Variants in HMGN5 observed in about 807,000 individuals in gnomAD.
HMGN5 encodes high mobility group nucleosome binding domain 5, also known as high mobility group nucleosome-binding domain-containing protein 5.
A neutral mutation model predicts 9.5 loss-of-function variants in HMGN5; 4 were observed. The observed-to-expected ratio is 0.42, with a 90% confidence interval of 0.21 to 0.96. The LOEUF (loss-of-function observed/expected upper bound fraction) is 0.96, where lower values mean the gene tolerates loss of function less well. HMGN5 is among the 40% of genes least tolerant of loss of function. The pLI is 0.30. For synonymous variants in HMGN5, 55 were observed against 57.1 expected, an observed-to-expected ratio of 0.96 and a Z score of 0.16; for missense variants, 192 against 187.5, an observed-to-expected ratio of 1.02 and a Z score of -0.14.
chrX:81,173,175 C>T (rs2075431346), intron 1 of HMGN5, among the ~76,000 whole-genome samples: 1 of 110,609 alleles, frequency 9.0e-6, no homozygotes, highest in Non-Finnish European at 1.9e-5. Context: ...CAATGGAGTA[C>T]TACTCACCTG....
intron 1 of HMGN5, among the ~76,000 whole-genome samples, chrX:81,142,481 G>A (rs1479178792): frequency 9.0e-6 from 1 of 111,490 alleles, no homozygotes; most frequent in Non-Finnish European, 1.9e-5. Flanking sequence ...AAAATAAACA[G>A]ATAACATATT....
At chrX:81,162,632 T>A (rs1471583307) in intron 1 of HMGN5, among the ~76,000 whole-genome samples, 2 of 111,506 alleles carry the variant, frequency 1.8e-5, no homozygotes, top group Non-Finnish European at 3.8e-5. Flanking sequence ...GGCCCCATAA[T>A]TTTATGTTGA....
chrX:81,156,109 T>C (rs1189831959), intron 1 of HMGN5, among the ~76,000 whole-genome samples: 1 of 111,810 alleles, frequency 8.9e-6, no homozygotes, highest in Non-Finnish European at 1.9e-5. Flanking sequence ...AATGGATGAG[T>C]TTGGCTTATG....
chrX:81,137,872 A>G (rs2075315804), intron 1 of HMGN5, among the ~76,000 whole-genome samples: 1 of 111,630 alleles, frequency 9.0e-6, no homozygotes, highest in Non-Finnish European at 1.9e-5. Flanking sequence ...AGATAGCACT[A>G]CAGATCTTGC....
chrX:81,196,872 G>A (rs777535280), intron 1 of HMGN5, among the ~76,000 whole-genome samples: 3 of 111,027 alleles, frequency 2.7e-5, no homozygotes, highest in East Asian at 2.9e-4. Flanking sequence ...CTCTTCCCCC[G>A]TTGCTCCTCC....
At chrX:81,179,203 G>A (rs766153184) in intron 1 of HMGN5, among the ~76,000 whole-genome samples, 3 of 111,602 alleles carry the variant, frequency 2.7e-5, no homozygotes, top group Non-Finnish European at 5.6e-5. Context: ...TCTGGACAGG[G>A]CAATCAGGCA....
Position 81,116,358 on chromosome X carries a change from A to G in HMGN5, c.130-17T>C. 8.9e-7 allele frequency: 1 copy of G among 1,121,143 alleles called. No individual in the cohort carries two copies. Among genetic ancestry groups the G allele is most frequent in the Non-Finnish European group, 1.2e-6 (1 of 822,225 alleles). 92.4% of individuals were successfully genotyped at this position (1,121,143 alleles called of 1,213,427 possible). On this transcript the variant is annotated splice_polypyrimidine_tract_variant and intron_variant, in intron 5 of 6. Transcript: ENST00000358130. ...CTTCATTTTCTGCCAAGCAATATAA[A>G]ACAATGAAAGTAAATATACAATTTA... is the stretch of plus-strand genomic sequence containing the variant.
At chrX:81,147,038 G>C (rs774247756) in intron 1 of HMGN5, among the ~76,000 whole-genome samples, 54 of 111,663 alleles carry the variant, frequency 4.8e-4, no homozygotes, top group African/African-American at 1.6e-3. Flanking sequence ...TCCAGGACCA[G>C]ACGGACTCAC....
chrX:81,121,952 C>T (rs1275812941), intron 1 of HMGN5, among the ~76,000 whole-genome samples: 1 of 112,430 alleles, frequency 8.9e-6, no homozygotes, highest in Non-Finnish European at 1.9e-5. Flanking sequence ...CTGACTTGAT[C>T]AGTTTTTTTT....
At chrX:81,171,922 G>A (rs1025158868) in intron 1 of HMGN5, among the ~76,000 whole-genome samples, 3 of 111,459 alleles carry the variant, frequency 2.7e-5, no homozygotes, top group Non-Finnish European at 5.7e-5. Flanking sequence ...AATGAAAACC[G>A]ATAAGAATGT....
chrX:81,192,984 C>T (rs1016425280), intron 1 of HMGN5, among the ~76,000 whole-genome samples: 3 of 110,745 alleles, frequency 2.7e-5, no homozygotes, highest in East Asian at 2.8e-4. Context: ...TATTTTCAAT[C>T]GAGTGCTAGA....
intron 1 of HMGN5, among the ~76,000 whole-genome samples, chrX:81,179,098 C>T (rs948655590): frequency 1.1e-4 from 12 of 111,734 alleles, no homozygotes; most frequent in South Asian, 7.6e-4. Flanking sequence ...CAATATAATA[C>T]TGAATGGACA....
At chrX:81,192,872 AT>A (rs140567866) in intron 1 of HMGN5, among the ~76,000 whole-genome samples, 2,379 of 105,796 alleles carry the variant, frequency 0.022, 72 homozygotes, top group African/African-American at 0.074. Context: ...GTCAGCAATA[AT>A]TTTTTTTTTT....
intron 1 of HMGN5, among the ~76,000 whole-genome samples, chrX:81,166,881 A>C (rs2075412570): frequency 9.0e-6 from 1 of 111,454 alleles, no homozygotes; most frequent in Non-Finnish European, 1.9e-5. Context: ...CAAGGTCCCA[A>C]ACAGCCATTT....
chrX:81,122,734 C>T (rs1286350873), intron 1 of HMGN5, among the ~76,000 whole-genome samples: 1 of 111,866 alleles, frequency 8.9e-6, no homozygotes, highest in Admixed American at 9.4e-5. Context: ...TCCATAGCGT[C>T]ACTCTAGTCC....
chrX:81,196,947 A>C (rs1790040429), intron 1 of HMGN5, among the ~76,000 whole-genome samples: 1 of 111,448 alleles, frequency 9.0e-6, no homozygotes, highest in Admixed American at 9.5e-5. Context: ...TTCCACCATG[A>C]TTGTAAGTCT....
chrX:81,122,085 C>T (rs773241490), intron 1 of HMGN5, among the ~76,000 whole-genome samples: 10 of 112,391 alleles, frequency 8.9e-5, no homozygotes, highest in Non-Finnish European at 1.5e-4. Flanking sequence ...GTCTGGGCTC[C>T]GGTCTTTCCC....
At chrX:81,138,748 T>C (rs886588100) in intron 1 of HMGN5, among the ~76,000 whole-genome samples, 1 of 111,426 alleles carries the variant, frequency 9.0e-6, no homozygotes, top group African/African-American at 3.3e-5. Flanking sequence ...TTGAAGTCTA[T>C]AAAAAAACCT....
intron 1 of HMGN5, among the ~76,000 whole-genome samples, chrX:81,168,974 TA>T (rs2075418373): frequency 9.0e-6 from 1 of 110,982 alleles, no homozygotes; most frequent in African/African-American, 3.3e-5. Flanking sequence ...GTTGTCATCA[TA>T]AGTAAGGGAG....
Sources: gnomAD v4.1 joint callset for allele counts (sites outside exome capture counted in the v4.1 genomes callset) on GRCh38, gnomAD v4.1.1 for gene constraint, MANE v1.5 for transcripts, NCBI Gene and HGNC (gene_info 2026-07-23, HGNC 2026-07-21) for gene names.